FLT3: variants seen among roughly 807,000 people sequenced by gnomAD.
The protein encoded by FLT3 is receptor-type tyrosine-protein kinase FLT3.
Under a neutral mutation model 126.6 loss-of-function variants are expected in FLT3, and 46 were observed. The ratio of observed to expected loss-of-function variants is 0.36; its 90% CI spans 0.29 to 0.46. The LOEUF (loss-of-function observed/expected upper bound fraction) is 0.46, where lower values mean the gene tolerates loss of function less well. Among genes scored for constraint, FLT3 ranks in the 20% least tolerant of loss-of-function variants. FLT3 has a pLI of 1.00. For synonymous variants in FLT3, 404 were observed against 434.4 expected (o/e 0.93, Z 0.87); for missense variants, 1,069 against 1,190.3 (o/e 0.90, Z 1.50).
In FLT3 at chr13:28,033,536, C is replaced by A. The variant is rs957023568; in HGVS notation, c.1942+351G>T. 2.6e-5 allele frequency among the ~76,000 whole-genome samples: 4 copies of A among 152,198 alleles called. No homozygotes were observed. The South Asian group carries it at 8.3e-4, about 32-fold the overall frequency. On this transcript the variant is annotated intron_variant, in intron 15 of 23. Coordinates refer to ENST00000241453, the MANE Select transcript of FLT3 (RefSeq NM_004119.3). Reference sequence around the variant, plus strand: ...AAACTTAGCTGAGCGTGGTGGTGCACGCCTGTAGCCCCAGCTGCTGAGGAG... The same window carrying A: ...AAACTTAGCTGAGCGTGGTGGTGCAAGCCTGTAGCCCCAGCTGCTGAGGAG...
chr13:28,038,253 G>A (rs542251086), intron 9 of FLT3, among the ~76,000 whole-genome samples: 25 of 151,926 alleles, frequency 1.6e-4, no homozygotes, highest in Non-Finnish European at 3.5e-4. Context: ...ACGCCCAGCA[G>A]GCCTGTGGGT....
At chr13:28,035,321 C>T (rs546465077) in intron 12 of FLT3, among the ~76,000 whole-genome samples, 174 bp downstream of exon 12, 3 of 152,190 alleles carry the variant, frequency 2.0e-5, no homozygotes, top group Admixed American at 6.5e-5. Context: ...GGGAGGACTC[C>T]GCCCCAACCT....
chr13:28,028,743 A>T (rs1873038617), intron 15 of FLT3, among the ~76,000 whole-genome samples: 1 of 151,394 alleles, frequency 6.6e-6, no homozygotes, highest in Non-Finnish European at 1.5e-5. Context: ...CTGTGTTTTA[A>T]GACAGAATTT....
intron 1 of FLT3, among the ~76,000 whole-genome samples, chr13:28,091,931 G>T (rs141862094): frequency 6.6e-6 from 1 of 151,982 alleles, no homozygotes; most frequent in African/African-American, 2.4e-5. Context: ...TTAGCCAGGC[G>T]TGGTGGACAG....
intron 1 of FLT3, among the ~76,000 whole-genome samples, chr13:28,095,155 A>G (rs888202035): frequency 6.6e-6 from 1 of 152,224 alleles, no homozygotes; most frequent in Non-Finnish European, 1.5e-5. Context: ...ACAAAAAACC[A>G]AAAAGCTCTA....
chr13:28,014,369 T>G (rs543976299), intron 23 of FLT3, 83 bp downstream of exon 23: 1 of 999,302 alleles, frequency 1.0e-6, no homozygotes, highest in East Asian at 2.4e-5. Context: ...CTTGGTACCT[T>G]TGGTTCACAG....
At chr13:28,094,229 G>A (rs1035891928) in intron 1 of FLT3, among the ~76,000 whole-genome samples, 9 of 151,972 alleles carry the variant, frequency 5.9e-5, no homozygotes, top group African/African-American at 2.2e-4. Flanking sequence ...TCAAACATTA[G>A]GAAAAGCATA....
Position 28,015,223 on chromosome 13 carries a change from G to A in FLT3, c.2687C>T (p.Ala896Val). The A allele has an allele frequency of 6.2e-7, 1 of 1,612,160 alleles. No homozygotes were observed. The highest frequency in any genetic ancestry group is 1.1e-5 in the South Asian group (1 of 90,968). Residue 896 changes from alanine (A) to valine (V), a missense_variant, in exon 22 of 24, where the codon GCT (alanine) becomes GTT (valine). Coordinates refer to ENST00000241453, the MANE Select transcript of FLT3 (RefSeq NM_004119.3). The stretch of plus-strand genomic sequence containing the variant: ...ATTTTGAATCAGTTTGTAGAAGTTA[G>A]CATCAACCGGAATGCCAGGGTAAGG... Reference protein sequence around the residue: ...VNPYPGIPVDANFYKLIQNGF... With the variant: ...VNPYPGIPVDVNFYKLIQNGF...
In FLT3 at chr13:28,024,938, G is replaced by C. The variant is rs144381194; in HGVS notation, c.2213C>G (p.Pro738Arg). 213 of 1,602,664 alleles carry C rather than the reference G, an allele frequency of 1.3e-4. No homozygotes were observed. Among genetic ancestry groups the C allele is most frequent in the Middle Eastern group, 6.6e-4 (4 of 6,016 alleles). ...GTGTATCTGAACTTCTCTTGAACCA[G>C]GCATGCTATTAAAAAATTTTGTTTT... ...TFQSHPNSSM[P>R]GSREVQIHPD... The change falls in exon 18 of 24, where the codon CCT becomes CGT. Residue 738 changes from proline to arginine, a missense_variant. Pro to Arg is a moderately radical substitution (Grantham distance 103). Coordinates refer to ENST00000241453, the MANE Select transcript of FLT3 (RefSeq NM_004119.3).
At chr13:28,094,888 C>T (rs1160645702) in intron 1 of FLT3, among the ~76,000 whole-genome samples, 2 of 152,182 alleles carry the variant, frequency 1.3e-5, no homozygotes, top group Non-Finnish European at 2.9e-5. Flanking sequence ...CCAGTAGTGA[C>T]TTCTACAAAA....
At chr13:28,042,004 A>G (rs145266371) in intron 9 of FLT3, among the ~76,000 whole-genome samples, 5,760 of 151,964 alleles carry the variant, frequency 0.038, 358 homozygotes, top group African/African-American at 0.13. Flanking sequence ...GATACAAAAA[A>G]TTAGCTGGGC....
At chr13:28,023,108 G>GT (rs1310098479) in intron 19 of FLT3, among the ~76,000 whole-genome samples, 1 of 152,194 alleles carries the variant, frequency 6.6e-6, no homozygotes, top group Non-Finnish European at 1.5e-5. Context: ...AGCCTTGGAA[G>GT]TTTCAGGGGA....
chr13:28,051,662 A>T lies in FLT3; in HGVS notation c.614+883T>A, dbSNP rs796067695. 2.7e-5 allele frequency among the ~76,000 whole-genome samples: 4 copies of T among 150,536 alleles called. No homozygotes were observed. The South Asian group carries it at 8.4e-4, about 32-fold the overall frequency. ...CAGGTTCACGCCATTCTCCTGCCTC[A>T]GCCTCCTGAGTAGCTGGGACTACAG... is the stretch of plus-strand genomic sequence containing the variant. On this transcript the variant is annotated intron_variant, in intron 5 of 23. Coordinates refer to ENST00000241453, the MANE Select transcript of FLT3 (RefSeq NM_004119.3).
chr13:28,093,908 A>C (rs1211357064), intron 1 of FLT3, among the ~76,000 whole-genome samples: 1 of 152,116 alleles, frequency 6.6e-6, no homozygotes, highest in Non-Finnish European at 1.5e-5. Flanking sequence ...CTGTGGAAGG[A>C]GGAAGGGTGG....
chr13:28,013,080 G>A (rs1336835824), intron 23 of FLT3, among the ~76,000 whole-genome samples: 1 of 152,096 alleles, frequency 6.6e-6, no homozygotes, highest in African/African-American at 2.4e-5. Flanking sequence ...CTGTGCAATA[G>A]GCTATAAGTC....
chr13:28,071,055 C>G (rs1035100796), intron 1 of FLT3, among the ~76,000 whole-genome samples: 8 of 125,572 alleles, frequency 6.4e-5, no homozygotes, highest in African/African-American at 2.4e-4. Flanking sequence ...AGTGCAGTGG[C>G]GCGTTCTTGG....
intron 12 of FLT3, 87 bp from the exon 13 acceptor site, chr13:28,034,494 T>A: frequency 1.1e-6 from 1 of 945,642 alleles, no homozygotes; most frequent in Non-Finnish European, 1.7e-6. Context: ...ATCTCTCACA[T>A]CCTGTTTCAG....
Position 28,053,960 on chromosome 13 carries a change from T to C in FLT3, c.485-1286A>G, listed in dbSNP as rs554950916. ...ACCTCCCAGGCTCAAGTGATCTTCC[T>C]GCCTTGGCCTCCCAAAGTGCTTGGA... On this transcript the variant is annotated intron_variant, in intron 4 of 23. Coordinates refer to ENST00000241453, the MANE Select transcript of FLT3 (RefSeq NM_004119.3). 1.4e-3 allele frequency among the ~76,000 whole-genome samples: 215 copies of C among 152,254 alleles called. 1 individual carries two copies. Among genetic ancestry groups the C allele is most frequent in the African/African-American group, 4.6e-3 (190 of 41,556 alleles).
At chr13:28,089,738 C>CT (rs56030894) in intron 1 of FLT3, among the ~76,000 whole-genome samples, 24,101 of 143,850 alleles carry the variant, frequency 0.17, 2,173 homozygotes, top group Middle Eastern at 0.27. Flanking sequence ...CATGAGGGAA[C>CT]TTTTTTTTTT....
Sources: gnomAD v4.1 joint callset for allele counts (sites outside exome capture counted in the v4.1 genomes callset) on GRCh38, gnomAD v4.1.1 for gene constraint, MANE v1.5 for transcripts, NCBI Gene and HGNC (gene_info 2026-07-23, HGNC 2026-07-21) for gene names.